The following ESR1 variants were observed in gnomAD, a reference collection of about 807,000 sequenced individuals.
The protein encoded by ESR1 is estrogen receptor.
Under a neutral mutation model 52.7 loss-of-function variants are expected in ESR1, and 12 were observed. That is an observed-to-expected ratio of 0.23 (90% CI 0.15 to 0.37). The LOEUF (loss-of-function observed/expected upper bound fraction) is 0.37, where lower values mean the gene tolerates loss of function less well. Among genes scored for constraint, ESR1 ranks in the 10% least tolerant of loss-of-function variants. The pLI, the probability that ESR1 is intolerant of heterozygous loss-of-function variation, is 1.00. For missense variants in ESR1, 584 were observed against 779.7 expected, an observed-to-expected ratio of 0.75 and a Z score of 2.99; for synonymous variants, 305 against 316.8, an observed-to-expected ratio of 0.96 and a Z score of 0.39.
chr6:151,762,662 C>T (rs967651292), intron 2 of ESR1, among the ~76,000 whole-genome samples: 1 of 152,128 alleles, frequency 6.6e-6, no homozygotes, highest in Admixed American at 6.5e-5. Flanking sequence ...AATAATCTAA[C>T]GTTTTAAAAT....
intron 6 of ESR1, among the ~76,000 whole-genome samples, chr6:152,120,516 G>A (rs979803634): frequency 2.3e-4 from 35 of 152,156 alleles, no homozygotes; most frequent in African/African-American, 7.2e-4. Context: ...ACAATCTGAC[G>A]GCAAGAAGCC....
intron 4 of ESR1, among the ~76,000 whole-genome samples, chr6:151,996,005 T>A (rs7757956): frequency 0.17 from 25,814 of 152,170 alleles, 2,467 homozygotes; most frequent in African/African-American, 0.26. Context: ...AAGGCCCTGC[T>A]GGGTTCAGGC....
intron 2 of ESR1, among the ~76,000 whole-genome samples, chr6:151,850,729 T>C (rs1038023395): frequency 6.6e-6 from 1 of 152,092 alleles, no homozygotes; most frequent in Non-Finnish European, 1.5e-5. Flanking sequence ...TACTTCAAAC[T>C]GGGGAGTTAG....
At chr6:151,678,991 G>A (rs1239586795) in intron 1 of ESR1, among the ~76,000 whole-genome samples, 1 of 151,978 alleles carries the variant, frequency 6.6e-6, no homozygotes, top group Non-Finnish European at 1.5e-5. Context: ...AGCCACCACT[G>A]GGTTTTATAA....
intron 4 of ESR1, among the ~76,000 whole-genome samples, chr6:151,987,683 T>C (rs1042065006): frequency 7.9e-5 from 12 of 152,156 alleles, no homozygotes; most frequent in African/African-American, 2.2e-4. Flanking sequence ...GTGCTGGGAT[T>C]ACAAGCGTAA....
intron 1 of ESR1, among the ~76,000 whole-genome samples, chr6:151,809,663 A>G (rs1440158016): frequency 1.3e-5 from 2 of 152,214 alleles, no homozygotes; most frequent in Non-Finnish European, 2.9e-5. Context: ...CCCAGAGGAT[A>G]CTGAAGGGCA....
chr6:151,798,074 C>A (rs989269253), intron 2 of ESR1, among the ~76,000 whole-genome samples: 1 of 152,034 alleles, frequency 6.6e-6, no homozygotes, highest in South Asian at 2.1e-4. Flanking sequence ...GGTACACTGC[C>A]GAAAGCGAGG....
intron 6 of ESR1, among the ~76,000 whole-genome samples, chr6:152,063,305 T>C (rs1585069171): frequency 6.6e-6 from 1 of 152,318 alleles, no homozygotes; most frequent in East Asian, 1.9e-4. Flanking sequence ...AGTTGTCTTT[T>C]TCATGAGATA....
At chr6:151,844,366 C>T (rs1202936312) in intron 2 of ESR1, among the ~76,000 whole-genome samples, 1 of 152,032 alleles carries the variant, frequency 6.6e-6, no homozygotes, top group African/African-American at 2.4e-5. Context: ...TTTAATTTGG[C>T]AGTGAAAGAG....
chr6:151,822,756 T>G (rs888591972), intron 1 of ESR1, among the ~76,000 whole-genome samples: 1 of 152,232 alleles, frequency 6.6e-6, no homozygotes, highest in Non-Finnish European at 1.5e-5. Flanking sequence ...ATCAGAAGGT[T>G]CATTAGCTTG....
upstream of ESR1, chr6:151,807,656 T>G (rs1778095222): frequency 6.8e-6 from 4 of 589,614 alleles, no homozygotes; most frequent in East Asian, 1.1e-4. Context: ...GACCAGTACT[T>G]AAAGTTGGAG....
intron 1 of ESR1, among the ~76,000 whole-genome samples, chr6:151,819,040 G>T (rs888960485): frequency 1.3e-5 from 2 of 152,014 alleles, no homozygotes; most frequent in African/African-American, 2.4e-5. Context: ...TGTTTAAATG[G>T]CATGTTCCTA....
At chr6:151,832,171 A>G (rs1256830255) in intron 1 of ESR1, among the ~76,000 whole-genome samples, 2 of 152,176 alleles carry the variant, frequency 1.3e-5, no homozygotes, top group African/African-American at 4.8e-5. Context: ...GTAATTTGTA[A>G]AAAGTTGGGA....
chr6:152,058,090 C>T (rs781401198), intron 5 of ESR1, among the ~76,000 whole-genome samples: 4 of 152,076 alleles, frequency 2.6e-5, no homozygotes, highest in African/African-American at 4.8e-5. Context: ...TAAACAGAGA[C>T]GTTATACTGA....
chr6:151,935,316 G>T (rs531060831), intron 3 of ESR1, among the ~76,000 whole-genome samples: 69 of 152,338 alleles, frequency 4.5e-4, no homozygotes, highest in African/African-American at 1.6e-3. Context: ...CAGATTTAAC[G>T]TGAAGGATGA....
Position 151,923,673 on chromosome 6 carries a change from A to G in ESR1, c.761-20500A>G, listed in dbSNP as rs76086250. 8.5e-3 allele frequency among the ~76,000 whole-genome samples: 1,298 copies of G among 152,262 alleles called. 19 individuals carry two copies. Among genetic ancestry groups the G allele is most frequent in the African/African-American group, 0.027 (1,141 of 41,566 alleles). ...ATGGTCTGATAGCTCATTTCTTTTT[A>G]ATCACTGAATAATACTTTTATTTAT... On this transcript the variant is annotated intron_variant, in intron 3 of 7. Transcript: ENST00000206249.
intron 2 of ESR1, among the ~76,000 whole-genome samples, chr6:151,735,102 T>C (rs1357053998): frequency 1.3e-5 from 2 of 152,216 alleles, no homozygotes; most frequent in Non-Finnish European, 2.9e-5. Context: ...ACAAGGATGC[T>C]ATCTTTCATG....
intron 5 of ESR1, among the ~76,000 whole-genome samples, chr6:152,038,885 T>C (rs1339965718): frequency 6.6e-6 from 1 of 152,090 alleles, no homozygotes; most frequent in Admixed American, 6.5e-5. Flanking sequence ...CACCTCGGCC[T>C]CCCAAAGTGG....
At chr6:152,041,039 T>C (rs779625495) in intron 5 of ESR1, among the ~76,000 whole-genome samples, 7 of 152,186 alleles carry the variant, frequency 4.6e-5, no homozygotes, top group Non-Finnish European at 1.0e-4. Flanking sequence ...GGTAGCTTGG[T>C]GATTTGATGA....
Sources: gnomAD v4.1 joint callset for allele counts (sites outside exome capture counted in the v4.1 genomes callset) on GRCh38, gnomAD v4.1.1 for gene constraint, MANE v1.5 for transcripts, NCBI Gene and HGNC (gene_info 2026-07-23, HGNC 2026-07-21) for gene names.